Variants in ECH1 observed in about 807,000 individuals in gnomAD.
ECH1 encodes the protein delta(3,5)-Delta(2,4)-dienoyl-CoA isomerase, mitochondrial.
Under a neutral mutation model 37.0 loss-of-function variants are expected in ECH1, and 30 were observed. That is an observed-to-expected ratio of 0.81 (90% CI 0.61 to 1.10). The LOEUF is 1.10. Among genes scored for constraint, ECH1 ranks in the 50% least tolerant of loss-of-function variants. The probability of loss-of-function intolerance (pLI) is 0.00; values close to 1 mark genes in which losing one functional copy is unlikely to be tolerated. For synonymous variants in ECH1, 178 were observed against 176.0 expected, an observed-to-expected ratio of 1.01 and a Z score of -0.09; for missense variants, 456 against 441.6, an observed-to-expected ratio of 1.03 and a Z score of -0.29.
chr19:38,816,394 C>G (rs780117750), intron 7 of ECH1, 39 bp from the exon 8 acceptor site: 1 of 1,613,912 alleles, frequency 6.2e-7, no homozygotes, highest in Non-Finnish European at 8.5e-7. Context: ...GGCTGCCACC[C>G]CGGGGCTGGG....
At chr19:38,817,658 C>T in intron 3 of ECH1, 83 bp from the exon 4 acceptor site, 1 of 1,471,210 alleles carries the variant, frequency 6.8e-7, no homozygotes, top group South Asian at 1.4e-5. Flanking sequence ...CCAGGCACAG[C>T]AGGTTCGAAC....
In ECH1 at chr19:38,831,788, C is replaced by G. The variant is rs1032291339; in HGVS notation, c.-16G>C. On this transcript the variant is annotated 5_prime_UTR_variant, in exon 1 of 10. Transcript: ENST00000221418. The stretch of plus-strand genomic sequence containing the variant: ...CCGCCGCCATCGCCGCCGCCTTCGT[C>G]TACTGCGTTCGGACGGAGTAACGTG... 3 of 1,612,390 alleles carry G rather than the reference C, an allele frequency of 1.9e-6. No homozygotes were observed. Among genetic ancestry groups the G allele is most frequent in the South Asian group, 1.1e-5 (1 of 90,604 alleles).
rs535654638 is a variant in ECH1 at position 38,826,817 on chromosome 19, G to A, written c.349+4261C>T. Among the ~76,000 whole-genome samples the A allele has an allele frequency of 2.0e-5, 3 of 152,138 alleles. No homozygotes were observed. The East Asian group carries it at 5.8e-4, about 29-fold the overall frequency. On this transcript the variant is annotated intron_variant, in intron 3 of 9. Transcript: ENST00000221418. ...GATCTAGGCCACTTCTCAAGTCCAGGCACTCTGGTCCTTCAATATATGGAT... is the reference window on the plus strand; with the variant it reads ...GATCTAGGCCACTTCTCAAGTCCAGACACTCTGGTCCTTCAATATATGGAT...
At chr19:38,822,481 A>G (rs1472867125) in intron 3 of ECH1, among the ~76,000 whole-genome samples, 2 of 150,264 alleles carry the variant, frequency 1.3e-5, no homozygotes, top group Admixed American at 6.6e-5. Flanking sequence ...AGCACTCTGT[A>G]TCTAGCTAAT....
intron 3 of ECH1, among the ~76,000 whole-genome samples, chr19:38,827,366 C>T (rs7248208): frequency 0.45 from 68,252 of 151,800 alleles, 16,730 homozygotes; most frequent in Non-Finnish European, 0.56. Flanking sequence ...CCACGGACAA[C>T]TACATACGCT....
At chr19:38,820,492 G>C (rs1188331227) in intron 3 of ECH1, 2 of 152,188 alleles carry the variant, frequency 1.3e-5, no homozygotes, top group African/African-American at 4.8e-5. Context: ...GTGATTATTG[G>C]GTAAGTTTCT....
chr19:38,816,879 T>C (rs552411157), intron 6 of ECH1, 186 bp downstream of exon 6: 1 of 704,920 alleles, frequency 1.4e-6, no homozygotes. Context: ...CTCTGACACC[T>C]GCCAGCCTCA....
chr19:38,817,956 CT>C (rs1971604234), intron 3 of ECH1, among the ~76,000 whole-genome samples: 2 of 152,174 alleles, frequency 1.3e-5, no homozygotes, highest in South Asian at 4.1e-4. Flanking sequence ...GGGTCTCACT[CT>C]GTTATACCAG....
At chr19:38,828,646 C>T (rs956701295) in intron 3 of ECH1, among the ~76,000 whole-genome samples, 7 of 149,598 alleles carry the variant, frequency 4.7e-5, no homozygotes, top group Non-Finnish European at 1.0e-4. Flanking sequence ...GAGGGAGTCT[C>T]GCTATGTCAC....
chr19:38,817,838 G>A (rs1971602897), intron 3 of ECH1: 3 of 845,270 alleles, frequency 3.5e-6, no homozygotes, highest in Non-Finnish European at 4.3e-6. Flanking sequence ...TTACCAATGG[G>A]TAAACTAAGG....
chr19:38,825,441 C>T (rs559695846), intron 3 of ECH1, among the ~76,000 whole-genome samples: 25 of 152,280 alleles, frequency 1.6e-4, no homozygotes, highest in Admixed American at 1.2e-3. Flanking sequence ...CCCGGTCACC[C>T]GAATCACTCA....
intron 3 of ECH1, chr19:38,820,052 A>ATTTT (rs1971638816): frequency 8.8e-5 from 19 of 215,322 alleles, no homozygotes; most frequent in East Asian, 2.1e-4. Context: ...AGTCCCCCTT[A>ATTTT]CTTTTTTTTT....
intron 3 of ECH1, among the ~76,000 whole-genome samples, chr19:38,826,241 CA>C (rs1261355659): frequency 1.3e-5 from 2 of 152,164 alleles, no homozygotes; most frequent in African/African-American, 4.8e-5. Context: ...ACAAGTTACC[CA>C]TTTGTTGTCC....
intron 3 of ECH1, chr19:38,818,440 C>G: frequency 3.1e-6 from 3 of 969,500 alleles, no homozygotes; most frequent in Non-Finnish European, 3.7e-6. Flanking sequence ...TACAGGCAGC[C>G]AGGGGAAGCC....
At chr19:38,816,117 A>G in intron 8 of ECH1, 110 bp from the exon 9 acceptor site, 1 of 1,521,620 alleles carries the variant, frequency 6.6e-7, no homozygotes, top group Non-Finnish European at 8.9e-7. Context: ...ACCCCAGAGA[A>G]ACAGCCCAAT....
In ECH1 at chr19:38,820,745, C is replaced by T. The variant is rs141922359; in HGVS notation, c.350-3170G>A. On this transcript the variant is annotated intron_variant, in intron 3 of 9. Transcript: ENST00000221418. ...TCTTGCTGCTGAAAATAAGATAAGA[C>T]GGCCACATTCAGCTGGGAGCTGAAA... Among the ~76,000 whole-genome samples, 13 of 152,198 alleles carry T rather than the reference C, an allele frequency of 8.5e-5. No homozygotes were observed. In the South Asian group the frequency reaches 1.0e-3, roughly 12 times the overall value.
rs1971597548 is a variant in ECH1, at chr19:38,817,501, G to A, written c.424C>T (p.Leu142Phe). 1.2e-6 allele frequency: 2 copies of A among 1,613,974 alleles called. No homozygotes were observed. Among genetic ancestry groups the A allele is most frequent in the African/African-American group, 1.3e-5 (1 of 75,012 alleles). Residue 142 changes from leucine (L) to phenylalanine (F), a missense_variant, in exon 4 of 10, where the codon CTC (leucine) becomes TTC (phenylalanine). By Grantham distance (22) the Leu-to-Phe change is conservative. Coordinates refer to ENST00000221418, the MANE Select transcript of ECH1 (RefSeq NM_001398.3). ...TGGTATCGAGTGATGATGTCACGGAGGTACCAGCTGATCCGGGCCACATCA... is the reference window on the plus strand; with the variant it reads ...TGGTATCGAGTGATGATGTCACGGAAGTACCAGCTGATCCGGGCCACATCA... ...GDDVARISWY[L>F]RDIITRYQET...
At chr19:38,818,932 T>TGTGTGCGCGCGCGCAC (rs144733422) in intron 3 of ECH1, among the ~76,000 whole-genome samples, 2 of 142,858 alleles carry the variant, frequency 1.4e-5, no homozygotes, top group Non-Finnish European at 3.1e-5. Context: ...TGTGTGTGTG[T>TGTGTGCGCGCGCGCAC]GCACTGTTCC....
intron 3 of ECH1, among the ~76,000 whole-genome samples, chr19:38,827,433 G>A (rs1022132379): frequency 6.6e-6 from 1 of 151,970 alleles, no homozygotes; most frequent in Non-Finnish European, 1.5e-5. Flanking sequence ...TGGAGGGAGT[G>A]ACCACTTAGG....
Sources: gnomAD v4.1 joint callset for allele counts (sites outside exome capture counted in the v4.1 genomes callset) on GRCh38, gnomAD v4.1.1 for gene constraint, MANE v1.5 for transcripts, NCBI Gene and HGNC (gene_info 2026-07-23, HGNC 2026-07-21) for gene names.